Variants in HELZ observed in about 807,000 individuals in gnomAD.
HELZ encodes the protein ATP-dependent RNA helicase with zinc finger domain.
A neutral mutation model predicts 218.2 loss-of-function variants in HELZ; 23 were observed. The observed-to-expected ratio is 0.11, with a 90% CI of 0.08 to 0.15. The LOEUF is 0.15. Among genes scored for constraint, HELZ ranks in the 10% least tolerant of loss-of-function variants. The pLI, the probability that HELZ is intolerant of heterozygous loss-of-function variation, is 1.00. For synonymous variants in HELZ, 814 were observed against 829.4 expected (o/e 0.98, Z 0.32); for missense variants, 1,813 against 2,353.7 (o/e 0.77, Z 4.75).
At chr17:67,230,495 G>A (rs1377004172) in intron 3 of HELZ, among the ~76,000 whole-genome samples, 1 of 151,212 alleles carries the variant, frequency 6.6e-6, no homozygotes, top group Non-Finnish European at 1.5e-5. Flanking sequence ...TACTTGGGAA[G>A]CTGAGGCAGG....
intron 31 of HELZ, among the ~76,000 whole-genome samples, chr17:67,088,560 G>A (rs914984692): frequency 2.6e-5 from 4 of 152,180 alleles, no homozygotes; most frequent in South Asian, 2.1e-4. Context: ...GCCCTTGTGC[G>A]GAGAGGCAGG....
intron 17 of HELZ, 41 bp from the exon 18 acceptor site, chr17:67,151,265 T>G: frequency 6.8e-7 from 1 of 1,476,084 alleles, no homozygotes; most frequent in Non-Finnish European, 9.4e-7. Context: ...ATTTACTAAT[T>G]TCTTAACAGT....
chr17:67,233,375 A>T (rs2041089211), intron 3 of HELZ, among the ~76,000 whole-genome samples: 1 of 152,160 alleles, frequency 6.6e-6, no homozygotes. Flanking sequence ...AATAAAATTA[A>T]AAGATAGAAA....
intron 13 of HELZ, among the ~76,000 whole-genome samples, chr17:67,171,257 G>A (rs1176800105): frequency 6.6e-6 from 1 of 151,908 alleles, no homozygotes; most frequent in East Asian, 1.9e-4. Flanking sequence ...CCCAGCTCAG[G>A]GCTGTAAATC....
chr17:67,221,875 G>A lies in HELZ; in HGVS notation c.-18-3053C>T, dbSNP rs76467730. 4.0e-3 allele frequency among the ~76,000 whole-genome samples: 587 copies of A among 147,116 alleles called. 5 individuals are homozygous for A. The highest frequency in any genetic ancestry group is 0.014 in the African/African-American group (549 of 39,932). ...TTTTTTTTTTAAGAGACAGAGTCTC[G>A]CTGCGCAGCCCATGCTGGGAGTGTA... On this transcript the variant is annotated intron_variant, in intron 3 of 32. Coordinates refer to ENST00000358691, the MANE Select transcript of HELZ (RefSeq NM_014877.4).
intron 23 of HELZ, among the ~76,000 whole-genome samples, chr17:67,135,131 T>G (rs373935709): frequency 9.9e-5 from 15 of 152,130 alleles, no homozygotes; most frequent in Admixed American, 5.9e-4. Flanking sequence ...TTAACCATAT[T>G]TAGTAGAAAC....
intron 7 of HELZ, among the ~76,000 whole-genome samples, chr17:67,197,116 T>G (rs2040050968): frequency 6.6e-6 from 1 of 152,146 alleles, no homozygotes. Context: ...TTCCCTTGTG[T>G]TGTGGGAGGG....
intron 6 of HELZ, among the ~76,000 whole-genome samples, chr17:67,202,733 A>C (rs2040199798): frequency 6.6e-6 from 1 of 152,232 alleles, no homozygotes; most frequent in Admixed American, 6.5e-5. Flanking sequence ...GTTAAATCAT[A>C]TCTTCAAAGA....
chr17:67,134,866 A>G (rs2038098793), intron 23 of HELZ, among the ~76,000 whole-genome samples: 2 of 152,188 alleles, frequency 1.3e-5, no homozygotes, highest in Non-Finnish European at 2.9e-5. Context: ...ATCTCTTTTT[A>G]CTATTCTGAA....
chr17:67,089,684 G>GAC (rs1364113680), intron 31 of HELZ, among the ~76,000 whole-genome samples: 4 of 127,776 alleles, frequency 3.1e-5, no homozygotes, highest in Admixed American at 7.9e-5. Flanking sequence ...GAGAGAGAGA[G>GAC]AGAGAGAGAG....
intron 13 of HELZ, chr17:67,172,987 GAA>G (rs1439630460): frequency 1.1e-6 from 1 of 897,610 alleles, no homozygotes; most frequent in Non-Finnish European, 1.3e-6. Context: ...TAGCAGGCAT[GAA>G]AAGTTAATCT....
chr17:67,194,137 A>G lies in HELZ; in HGVS notation c.482-95T>C, dbSNP rs7209786. 1,526 of 807,612 alleles carry G rather than the reference A, an allele frequency of 1.9e-3. 18 individuals are homozygous for G. In the African/African-American group the frequency reaches 0.024, roughly 12 times the overall value. The allele number at this position is 807,612 out of a possible 1,614,324, so 50.0% of individuals were successfully genotyped here. A position where few individuals can be genotyped will look rare whatever the true frequency, so the allele number is the denominator to read the frequency against. On this transcript the variant is annotated intron_variant, in intron 8 of 32. Coordinates refer to ENST00000358691, the MANE Select transcript of HELZ (RefSeq NM_014877.4). ...GAGATACTACAATCCCTCCACATAC[A>G]TCATCCCATATGATGTAAAAAAGAA...
upstream of HELZ, chr17:67,245,624 C>G (rs1437986257): frequency 1.4e-5 from 10 of 732,242 alleles, no homozygotes; most frequent in African/African-American, 3.8e-5. Flanking sequence ...AGGAAGCCCG[C>G]GAGCGGCCGG....
intron 23 of HELZ, among the ~76,000 whole-genome samples, chr17:67,132,123 C>T (rs1421742215): frequency 6.6e-6 from 1 of 152,102 alleles, no homozygotes; most frequent in Non-Finnish European, 1.5e-5. Context: ...TTTTTAATCA[C>T]TGCCTGAACA....
chr17:67,082,111 C>T (rs1457919575), intron 32 of HELZ, among the ~76,000 whole-genome samples: 1 of 152,166 alleles, frequency 6.6e-6, no homozygotes, highest in South Asian at 2.1e-4. Flanking sequence ...ATCCGGCTCC[C>T]CTCATCAACC....
At position 67,074,639 on chromosome 17, in the gene HELZ, T is replaced by G. The variant is rs1272705919; in HGVS notation, c.*3613A>C. The G allele has an allele frequency of 1.3e-5, 2 of 152,220 alleles. No homozygotes were observed. Among genetic ancestry groups the G allele is most frequent in the Admixed American group, 6.5e-5 (1 of 15,294 alleles). The allele number at this position is 152,220 out of a possible 1,614,324, so 9.4% of individuals were successfully genotyped here. A position where few individuals can be genotyped will look rare whatever the true frequency, so the allele number is the denominator to read the frequency against. On this transcript the variant is annotated 3_prime_UTR_variant, in exon 33 of 33. Transcript: ENST00000358691. ...GAGCAACACAATACTATATATTAATTATCCCAAAGTTGGGAAATTCATTAG... is the reference window on the plus strand; with the variant it reads ...GAGCAACACAATACTATATATTAATGATCCCAAAGTTGGGAAATTCATTAG...
chr17:67,216,979 C>G (rs1198573234), intron 4 of HELZ, among the ~76,000 whole-genome samples: 2 of 152,156 alleles, frequency 1.3e-5, no homozygotes, highest in Non-Finnish European at 2.9e-5. Context: ...CGCCTCTTCT[C>G]TATGATGCTC....
In HELZ at chr17:67,236,941, CA is replaced by C. The variant is rs370585579; in HGVS notation, c.-19+2491del. On this transcript the variant is annotated intron_variant, in intron 3 of 32. Transcript: ENST00000358691. ...TTGGTCATGATGACCTATACTAACCCAAACCCCAGTTTTTCAAGGACCAGCC... is the reference window on the plus strand; with the variant it reads ...TTGGTCATGATGACCTATACTAACCCAACCCCAGTTTTTCAAGGACCAGCC... 1.8e-3 allele frequency among the ~76,000 whole-genome samples: 280 copies of C among 152,274 alleles called. 3 individuals carry two copies. Among genetic ancestry groups the C allele is most frequent in the African/African-American group, 6.4e-3 (264 of 41,562 alleles).
Position 67,242,545 on chromosome 17 carries a change from CACACATATATGTATATATACACACATAT to C in HELZ, c.-76+1211_-76+1238del, listed in dbSNP as rs1567923153. ...ATATACACACATATATGTATATATA[CACACATATATGTATATATACACACATAT>C]ATGTATATATACACACATATATAAA... is the stretch of plus-strand genomic sequence containing the variant. On this transcript the variant is annotated intron_variant, in intron 2 of 32. Coordinates refer to ENST00000358691, the MANE Select transcript of HELZ (RefSeq NM_014877.4). Among the ~76,000 whole-genome samples the C allele has an allele frequency of 8.6e-3, 1,134 of 131,488 alleles. 16 individuals are homozygous for C. The highest frequency in any genetic ancestry group is 0.027 in the African/African-American group (989 of 36,396). The allele number at this position is 131,488 out of a possible 152,430, so 86.3% of individuals were successfully genotyped here.
Sources: gnomAD v4.1 joint callset for allele counts (sites outside exome capture counted in the v4.1 genomes callset) on GRCh38, gnomAD v4.1.1 for gene constraint, MANE v1.5 for transcripts, NCBI Gene and HGNC (gene_info 2026-07-23, HGNC 2026-07-21) for gene names.